Variants in RBFOX1 observed in about 807,000 individuals in gnomAD.
RBFOX1 encodes the protein RNA binding protein fox-1 homolog 1.
A neutral mutation model predicts 57.7 loss-of-function variants in RBFOX1; 8 were observed. The ratio of observed to expected loss-of-function variants is 0.14; its 90% CI spans 0.08 to 0.25. The LOEUF is 0.25. Ranked by LOEUF, RBFOX1 falls within the 10% of genes least tolerant of loss-of-function variation. RBFOX1 has a pLI of 1.00. For missense variants in RBFOX1, 611 were observed against 548.5 expected, an observed-to-expected ratio of 1.11 and a Z score of -1.14; for synonymous variants, 326 against 222.4, an observed-to-expected ratio of 1.47 and a Z score of -4.15.
chr16:7,302,782 A>C lies in RBFOX1; in HGVS notation c.28-215365A>C, dbSNP rs142846439. On this transcript the variant is annotated intron_variant, in intron 4 of 15. Transcript: ENST00000550418. ...CCTGTCAGGACCAAGGACGAGTTAG[A>C]GTCTTAATATTTTCTTTCGATTTGC... Among the ~76,000 whole-genome samples the C allele has an allele frequency of 6.4e-4, 95 of 148,476 alleles. No homozygotes were observed. The East Asian group carries it at 0.012, about 19-fold the overall frequency.
intron 2 of RBFOX1, among the ~76,000 whole-genome samples, chr16:6,511,692 T>C (rs989559601): frequency 2.6e-5 from 4 of 152,194 alleles, no homozygotes; most frequent in African/African-American, 4.8e-5. Context: ...TATTAAAGGC[T>C]GTGGTGATAG....
At chr16:7,024,438 T>C (rs1393988743) in intron 3 of RBFOX1, among the ~76,000 whole-genome samples, 1 of 152,224 alleles carries the variant, frequency 6.6e-6, no homozygotes. Flanking sequence ...CATTAAAACA[T>C]AATCTACCAT....
At chr16:6,403,886 G>A (rs1486642441) in intron 2 of RBFOX1, among the ~76,000 whole-genome samples, 1 of 152,116 alleles carries the variant, frequency 6.6e-6, no homozygotes, top group African/African-American at 2.4e-5. Context: ...GTGGGGTCCT[G>A]ATTCAATAGG....
chr16:5,405,812 G>C (rs2066849335), intron 1 of RBFOX1, among the ~76,000 whole-genome samples: 1 of 152,028 alleles, frequency 6.6e-6, no homozygotes, highest in Non-Finnish European at 1.5e-5. Flanking sequence ...GCATCTGCTT[G>C]GGCTCCCGGG....
chr16:6,752,738 A>G (rs2075148977), intron 3 of RBFOX1, among the ~76,000 whole-genome samples: 1 of 151,678 alleles, frequency 6.6e-6, no homozygotes, highest in African/African-American at 2.4e-5. Context: ...AAACTTTCCT[A>G]TCCCCCTTTC....
At chr16:5,732,967 G>A (rs1331471483) in intron 3 of RBFOX1, among the ~76,000 whole-genome samples, 1 of 152,134 alleles carries the variant, frequency 6.6e-6, no homozygotes, top group Non-Finnish European at 1.5e-5. Context: ...TTGGGGTGAT[G>A]GAAATGTTCC....
intron 1 of RBFOX1, among the ~76,000 whole-genome samples, chr16:6,208,978 G>C (rs923151191): frequency 6.6e-6 from 1 of 151,984 alleles, no homozygotes. Context: ...TGACCCAACT[G>C]GGTCTTTGAA....
chr16:6,068,149 C>T (rs931205683), intron 1 of RBFOX1, among the ~76,000 whole-genome samples: 5 of 152,110 alleles, frequency 3.3e-5, no homozygotes, highest in East Asian at 1.9e-4. Context: ...TGTAGGGATG[C>T]GAGGCTGTGT....
chr16:6,502,854 A>G (rs573487991), intron 2 of RBFOX1, among the ~76,000 whole-genome samples: 130 of 152,262 alleles, frequency 8.5e-4, no homozygotes, highest in African/African-American at 3.0e-3. Context: ...GAATCCAAAT[A>G]CTAACTGGGG....
intron 4 of RBFOX1, among the ~76,000 whole-genome samples, chr16:5,908,121 C>G (rs1466363786): frequency 7.3e-6 from 1 of 137,742 alleles, no homozygotes; most frequent in African/African-American, 3.2e-5. Context: ...CACATATATA[C>G]ACATATATAT....
chr16:5,622,212 G>A (rs1375244549), intron 3 of RBFOX1, among the ~76,000 whole-genome samples: 2 of 152,164 alleles, frequency 1.3e-5, no homozygotes, highest in Admixed American at 1.3e-4. Flanking sequence ...CAAAAACAGT[G>A]TTTTGACAGT....
intron 3 of RBFOX1, among the ~76,000 whole-genome samples, chr16:5,627,108 A>G (rs2048370211): frequency 6.6e-6 from 1 of 152,168 alleles, no homozygotes; most frequent in South Asian, 2.1e-4. Context: ...ATCTATTTAA[A>G]CTTTTTCTTT....
intron 4 of RBFOX1, among the ~76,000 whole-genome samples, chr16:7,257,900 C>T (rs1288829742): frequency 6.6e-6 from 1 of 152,162 alleles, no homozygotes; most frequent in Non-Finnish European, 1.5e-5. Context: ...GATTTGGTTT[C>T]AAGGAGATTC....
At chr16:7,330,509 TTTGTGTGTGTGTGTGTAGAG>T (rs1603623332) in intron 4 of RBFOX1, among the ~76,000 whole-genome samples, 4 of 65,936 alleles carry the variant, frequency 6.1e-5, no homozygotes, top group South Asian at 4.4e-4. Context: ...TGTGTGTGTG[TTTGTGTGTGTGTGTGTAGAG>T]AGAGAGAGAG....
chr16:5,746,443 A>T (rs1484063819), intron 3 of RBFOX1, among the ~76,000 whole-genome samples: 2 of 152,164 alleles, frequency 1.3e-5, no homozygotes, highest in African/African-American at 4.8e-5. Flanking sequence ...GTTCCATATG[A>T]ACTTTAAAGT....
intron 2 of RBFOX1, among the ~76,000 whole-genome samples, chr16:5,589,313 G>A (rs1454288369): frequency 6.6e-6 from 1 of 152,166 alleles, no homozygotes; most frequent in Non-Finnish European, 1.5e-5. Context: ...GGGGTCATTT[G>A]CCTGAGGCTC....
intron 1 of RBFOX1, among the ~76,000 whole-genome samples, chr16:5,341,592 A>T (rs1159274920): frequency 6.6e-6 from 1 of 152,168 alleles, no homozygotes; most frequent in African/African-American, 2.4e-5. Context: ...CAACGTGAGC[A>T]GTGACTAAGA....
chr16:5,632,940 CTT>C, intron 3 of RBFOX1, among the ~76,000 whole-genome samples: 1 of 125,606 alleles, frequency 8.0e-6, no homozygotes, highest in African/African-American at 3.1e-5. Context: ...TTAACAACTC[CTT>C]TTTTTTTTTT....
chr16:6,239,875 A>G (rs2097531104), intron 1 of RBFOX1, among the ~76,000 whole-genome samples: 2 of 152,042 alleles, frequency 1.3e-5, no homozygotes, highest in Admixed American at 1.3e-4. Flanking sequence ...TAGGTACGTG[A>G]GTGTCTGATA....
Sources: gnomAD v4.1 joint callset for allele counts (sites outside exome capture counted in the v4.1 genomes callset) on GRCh38, gnomAD v4.1.1 for gene constraint, MANE v1.5 for transcripts, NCBI Gene and HGNC (gene_info 2026-07-23, HGNC 2026-07-21) for gene names.